The following NWD2 variants were observed in gnomAD, a reference collection of about 807,000 sequenced individuals.
NWD2 encodes the protein NACHT and WD repeat domain-containing protein 2.
In NWD2, 37 loss-of-function variants were observed where a neutral mutation model predicts 132.7. The observed-to-expected ratio is 0.28, with a 90% CI of 0.21 to 0.37. The LOEUF (loss-of-function observed/expected upper bound fraction) is 0.37. Ranked by LOEUF, NWD2 falls within the 10% of genes least tolerant of loss-of-function variation. NWD2 has a pLI of 1.00. For missense variants in NWD2, 1,592 were observed against 2,122.4 expected, an observed-to-expected ratio of 0.75 and a Z score of 4.91; for synonymous variants, 705 against 803.0, an observed-to-expected ratio of 0.88 and a Z score of 2.06.
rs1430899304 is a variant in NWD2 at position 37,447,188 on chromosome 4, A to G, written c.5200A>G (p.Arg1734Gly). 37 of 1,551,078 alleles carry G rather than the reference A, an allele frequency of 2.4e-5. No individual in the cohort carries two copies. The highest frequency in any genetic ancestry group is 3.1e-5 in the Non-Finnish European group (36 of 1,146,916). The change falls in exon 7 of 7, where the codon AGG (arginine) becomes GGG (glycine). Residue 1734 changes from arginine to glycine, a missense_variant. Around this residue, in one of 7 missense-constraint regions of NWD2, gnomAD observed 257 missense variants for 335.0 expected, o/e 0.77. Transcript: ENST00000309447. ...YERVCSALEA[R>G]GHSYAPDN Reference sequence around the variant, plus strand: ...GCGGGTATGCTCGGCCCTAGAAGCCAGGGGCCACAGCTATGCCCCTGATAA... The same window carrying G: ...GCGGGTATGCTCGGCCCTAGAAGCCGGGGGCCACAGCTATGCCCCTGATAA...
chr4:37,385,589 AC>A (rs1004496231), intron 3 of NWD2, among the ~76,000 whole-genome samples: 10 of 152,136 alleles, frequency 6.6e-5, no homozygotes, highest in African/African-American at 2.4e-4. Context: ...GGGGTGAAAA[AC>A]CGGAAAGTGT....
chr4:37,340,010 A>T (rs1366757275), intron 2 of NWD2, among the ~76,000 whole-genome samples: 8 of 135,542 alleles, frequency 5.9e-5, no homozygotes, highest in Non-Finnish European at 9.6e-5. Flanking sequence ...CTCATATTTT[A>T]TTATAGGAGA....
intron 2 of NWD2, among the ~76,000 whole-genome samples, chr4:37,343,680 GA>G (rs1295879517): frequency 6.6e-6 from 1 of 152,070 alleles, no homozygotes; most frequent in Non-Finnish European, 1.5e-5. Context: ...TATGGTGTGG[GA>G]AAATTGGGAA....
chr4:37,281,971 G>A (rs542011413), intron 1 of NWD2, among the ~76,000 whole-genome samples: 2 of 152,106 alleles, frequency 1.3e-5, no homozygotes, highest in Non-Finnish European at 1.5e-5. Flanking sequence ...ATGATTCCCC[G>A]GGAAGAAACA....
intron 3 of NWD2, among the ~76,000 whole-genome samples, chr4:37,393,912 T>C (rs188578634): frequency 6.6e-6 from 1 of 152,330 alleles, no homozygotes; most frequent in African/African-American, 2.4e-5. Flanking sequence ...GACTTTGGCA[T>C]AGAGTTGTGA....
intron 3 of NWD2, among the ~76,000 whole-genome samples, chr4:37,369,616 T>C (rs1453334381): frequency 6.6e-6 from 1 of 152,166 alleles, no homozygotes; most frequent in Non-Finnish European, 1.5e-5. Context: ...CAAAATTCGA[T>C]GAACATTCCC....
At chr4:37,441,101 C>A (rs983468106) in intron 6 of NWD2, among the ~76,000 whole-genome samples, 1 of 152,168 alleles carries the variant, frequency 6.6e-6, no homozygotes, top group Non-Finnish European at 1.5e-5. Flanking sequence ...TTTGAAAAGT[C>A]CATAGGAAGT....
intron 1 of NWD2, among the ~76,000 whole-genome samples, chr4:37,287,001 C>A (rs1718246379): frequency 6.6e-6 from 1 of 152,156 alleles, no homozygotes; most frequent in Non-Finnish European, 1.5e-5. Flanking sequence ...GACGAGGTGA[C>A]TGACGTGATC....
intron 2 of NWD2, among the ~76,000 whole-genome samples, chr4:37,341,474 A>T (rs1577673709): frequency 6.6e-6 from 1 of 152,322 alleles, no homozygotes; most frequent in African/African-American, 2.4e-5. Context: ...GTACATGTAC[A>T]CGTGTGTGAG....
intron 1 of NWD2, among the ~76,000 whole-genome samples, chr4:37,317,777 CCATCAAGTATTTTTTAA>C (rs758559677): frequency 5.3e-5 from 8 of 152,120 alleles, no homozygotes; most frequent in Non-Finnish European, 1.0e-4. Context: ...ATGCCATACT[CCATCAAGTATTTTTTAA>C]CATCACCTCA....
chr4:37,436,993 T>A (rs1712339080), intron 5 of NWD2, among the ~76,000 whole-genome samples: 1 of 152,192 alleles, frequency 6.6e-6, no homozygotes, highest in Admixed American at 6.5e-5. Flanking sequence ...ATCTTTTTCA[T>A]TTAGGTTGAA....
intron 2 of NWD2, among the ~76,000 whole-genome samples, chr4:37,330,633 C>T (rs532478571): frequency 4.6e-5 from 7 of 152,278 alleles, no homozygotes; most frequent in South Asian, 2.1e-4. Flanking sequence ...TTTATTTTCC[C>T]GCTTACCCCT....
intron 3 of NWD2, among the ~76,000 whole-genome samples, chr4:37,420,931 A>G (rs1261061536): frequency 6.6e-6 from 1 of 152,066 alleles, no homozygotes; most frequent in African/African-American, 2.4e-5. Flanking sequence ...AGCCAGCTTA[A>G]TCTTTTGGCC....
intron 4 of NWD2, 69 bp from the exon 5 acceptor site, chr4:37,433,807 T>C: frequency 7.8e-7 from 1 of 1,281,874 alleles, no homozygotes; most frequent in South Asian, 1.7e-5. Flanking sequence ...AATAGAAATT[T>C]TCTTGTTCTT....
intron 1 of NWD2, among the ~76,000 whole-genome samples, chr4:37,274,315 A>C (rs1717941481): frequency 2.0e-5 from 3 of 152,208 alleles, no homozygotes; most frequent in Admixed American, 1.3e-4. Context: ...CTGCGCAAAT[A>C]AACTAGAAGA....
intron 1 of NWD2, among the ~76,000 whole-genome samples, chr4:37,308,891 G>A (rs2109279761): frequency 9.1e-3 from 1 of 110 alleles, no homozygotes. Context: ...TTCACTGATG[G>A]TATGGGCCCT....
chr4:37,442,161 T>C (rs1712502685), intron 6 of NWD2, among the ~76,000 whole-genome samples: 1 of 152,256 alleles, frequency 6.6e-6, no homozygotes, highest in Non-Finnish European at 1.5e-5. Context: ...TATTCATGCC[T>C]TAACCTGAAC....
At chr4:37,249,944 G>T (rs1266818709) in intron 1 of NWD2, among the ~76,000 whole-genome samples, 4 of 152,162 alleles carry the variant, frequency 2.6e-5, no homozygotes, top group Non-Finnish European at 5.9e-5. Context: ...GTGTACATGG[G>T]TTCATTTGCT....
chr4:37,389,903 C>G (rs1354365753), intron 3 of NWD2, among the ~76,000 whole-genome samples: 3 of 152,106 alleles, frequency 2.0e-5, no homozygotes, highest in Non-Finnish European at 4.4e-5. Flanking sequence ...GCTTCAGCCT[C>G]GCGAGTAGCT....
Sources: allele counts gnomAD v4.1 joint callset (sites outside exome capture counted in the v4.1 genomes callset), GRCh38; gene constraint gnomAD v4.1.1; regional missense constraint gnomAD v4.1.1; transcripts MANE v1.5; gene names NCBI Gene and HGNC (gene_info 2026-07-23, HGNC 2026-07-21).